Variants in CADPS2 observed in about 807,000 individuals in gnomAD.
CADPS2 encodes the protein calcium-dependent secretion activator 2.
Under a neutral mutation model 172.5 loss-of-function variants are expected in CADPS2, and 93 were observed. The ratio of observed to expected loss-of-function variants is 0.54; its 90% CI spans 0.46 to 0.64. The LOEUF (loss-of-function observed/expected upper bound fraction) is 0.64. Among genes scored for constraint, CADPS2 ranks in the 30% least tolerant of loss-of-function variants. The pLI is 0.00. For synonymous variants in CADPS2, 546 were observed against 555.2 expected (o/e 0.98, Z 0.23); for missense variants, 1,420 against 1,565.9 (o/e 0.91, Z 1.57).
intron 1 of CADPS2, among the ~76,000 whole-genome samples, chr7:122,761,236 G>A (rs941031047): frequency 6.6e-6 from 1 of 152,094 alleles, no homozygotes; most frequent in African/African-American, 2.4e-5. Flanking sequence ...GAAAAGGAAA[G>A]AATTAAGTGA....
chr7:122,880,584 C>T (rs191566404), intron 1 of CADPS2, among the ~76,000 whole-genome samples: 21 of 152,206 alleles, frequency 1.4e-4, no homozygotes, highest in African/African-American at 4.6e-4. Context: ...TTTAGAACAG[C>T]GGTTCTCAAC....
chr7:122,740,965 C>A (rs1451795215), intron 1 of CADPS2, among the ~76,000 whole-genome samples: 8 of 152,112 alleles, frequency 5.3e-5, no homozygotes, highest in Non-Finnish European at 1.2e-4. Context: ...TCCTTGGAAT[C>A]AGCAATTCCA....
intron 29 of CADPS2, among the ~76,000 whole-genome samples, chr7:122,321,141 T>C (rs2032378603): frequency 6.6e-6 from 1 of 152,268 alleles, no homozygotes; most frequent in African/African-American, 2.4e-5. Flanking sequence ...AATGTTTCCC[T>C]TATGTTTACA....
chr7:122,576,420 C>T (rs2068046410), intron 7 of CADPS2, among the ~76,000 whole-genome samples: 2 of 152,242 alleles, frequency 1.3e-5, no homozygotes, highest in South Asian at 4.1e-4. Flanking sequence ...CTATGTCATA[C>T]CTGTAGAGTA....
chr7:122,609,152 T>C (rs2073981563), intron 6 of CADPS2, among the ~76,000 whole-genome samples: 2 of 152,172 alleles, frequency 1.3e-5, no homozygotes, highest in Admixed American at 1.3e-4. Flanking sequence ...AGGGTATTAC[T>C]AGCTCCTGAG....
intron 6 of CADPS2, among the ~76,000 whole-genome samples, chr7:122,583,813 ACATATG>A (rs1018258329): frequency 1.3e-5 from 2 of 151,228 alleles, no homozygotes; most frequent in Admixed American, 6.6e-5. Context: ...CACATCATAT[ACATATG>A]CATATGTATA....
At chr7:122,552,718 T>C (rs2064460080) in intron 8 of CADPS2, among the ~76,000 whole-genome samples, 1 of 151,364 alleles carries the variant, frequency 6.6e-6, no homozygotes, top group South Asian at 2.1e-4. Context: ...GTATTCACCA[T>C]GGCATAGTAC....
intron 1 of CADPS2, among the ~76,000 whole-genome samples, chr7:122,819,016 C>A (rs1350422623): frequency 1.3e-5 from 2 of 152,176 alleles, no homozygotes; most frequent in African/African-American, 4.8e-5. Context: ...TCAAACCCCA[C>A]AACAGGATTT....
At chr7:122,493,570 A>G (rs142627863) in intron 9 of CADPS2, among the ~76,000 whole-genome samples, 19 of 152,306 alleles carry the variant, frequency 1.2e-4, no homozygotes, top group Non-Finnish European at 2.4e-4. Context: ...GGTTACTAGT[A>G]CACAGTGTGG....
At chr7:122,733,105 T>G (rs566938372) in intron 2 of CADPS2, among the ~76,000 whole-genome samples, 2 of 151,436 alleles carry the variant, frequency 1.3e-5, no homozygotes, top group Non-Finnish European at 2.9e-5. Flanking sequence ...CAAAAGATCA[T>G]AGAATCACAG....
chr7:122,503,669 C>T lies in CADPS2; in HGVS notation c.1542+9580G>A, dbSNP rs931591568. Reference sequence around the variant, plus strand: ...AATTTAGTTTCTTGTGTATTTATAACCTCTGTATCTCCCCTTATGTTCTTA... The same window carrying T: ...AATTTAGTTTCTTGTGTATTTATAATCTCTGTATCTCCCCTTATGTTCTTA... On this transcript the variant is annotated intron_variant, in intron 9 of 29. Coordinates refer to ENST00000449022, the MANE Select transcript of CADPS2 (RefSeq NM_017954.11). Among the ~76,000 whole-genome samples, 35 of 152,236 alleles carry T rather than the reference C, an allele frequency of 2.3e-4. No individual in the cohort carries two copies. In the East Asian group the frequency reaches 2.7e-3, roughly 12 times the overall value.
chr7:122,389,453 T>C (rs2044104403), intron 22 of CADPS2, among the ~76,000 whole-genome samples: 1 of 151,992 alleles, frequency 6.6e-6, no homozygotes, highest in East Asian at 1.9e-4. Flanking sequence ...ACTATTATGG[T>C]AAAATTACTC....
chr7:122,563,804 A>T (rs2066055941), intron 7 of CADPS2, among the ~76,000 whole-genome samples: 1 of 152,136 alleles, frequency 6.6e-6, no homozygotes, highest in Non-Finnish European at 1.5e-5. Context: ...ATGTTTTGGG[A>T]TTGGCTAGCT....
In CADPS2 at chr7:122,388,630, T is replaced by G; in HGVS notation, c.3117A>C (p.Gln1039His). 6.2e-7 allele frequency: 1 copy of G among 1,609,814 alleles called. No individual in the cohort carries two copies. The highest frequency in any genetic ancestry group is 1.1e-5 in the South Asian group (1 of 90,526). Residue 1039 changes from glutamine (Q) to histidine (H), a missense_variant, in exon 23 of 30, where the codon CAA becomes CAC. Coordinates refer to ENST00000449022, the MANE Select transcript of CADPS2 (RefSeq NM_017954.11). ...TATCACTGGCCATTAGTTTAAGTCTTTGCTCTAAGTGGTGGGCAAATTCCT... is the reference window on the plus strand; with the variant it reads ...TATCACTGGCCATTAGTTTAAGTCTGTGCTCTAAGTGGTGGGCAAATTCCT... ...PEQEFAHHLE[Q>H]RLKLMASDML...
At chr7:122,758,216 C>T (rs2093244121) in intron 1 of CADPS2, among the ~76,000 whole-genome samples, 1 of 152,072 alleles carries the variant, frequency 6.6e-6, no homozygotes, top group African/African-American at 2.4e-5. Context: ...AATTGCCAAG[C>T]CTTATTCATT....
intron 11 of CADPS2, among the ~76,000 whole-genome samples, chr7:122,488,498 A>G (rs1278892711): frequency 6.6e-6 from 1 of 152,236 alleles, no homozygotes; most frequent in Admixed American, 6.5e-5. Context: ...AGGTGTCTGG[A>G]GTTGATCCAA....
intron 1 of CADPS2, among the ~76,000 whole-genome samples, chr7:122,770,664 A>C (rs1198207167): frequency 1.3e-5 from 2 of 152,182 alleles, no homozygotes; most frequent in African/African-American, 4.8e-5. Context: ...AAATGCAGAG[A>C]TCAATTATCC....
chr7:122,718,662 G>C (rs2159825), intron 2 of CADPS2, among the ~76,000 whole-genome samples: 7,302 of 152,136 alleles, frequency 0.048, 225 homozygotes, highest in African/African-American at 0.049. Context: ...TGATCAAATG[G>C]GGCCGTGTTA....
chr7:122,611,965 A>T (rs2074354188), intron 6 of CADPS2, among the ~76,000 whole-genome samples: 1 of 152,102 alleles, frequency 6.6e-6, no homozygotes, highest in Non-Finnish European at 1.5e-5. Flanking sequence ...AATCCACATG[A>T]TCATCTCAAT....
Sources: gnomAD v4.1 joint callset for allele counts (sites outside exome capture counted in the v4.1 genomes callset) on GRCh38, gnomAD v4.1.1 for gene constraint, MANE v1.5 for transcripts, NCBI Gene and HGNC (gene_info 2026-07-23, HGNC 2026-07-21) for gene names.